The following OSBPL3 variants were observed in gnomAD, a reference collection of about 807,000 sequenced individuals.
OSBPL3 encodes the protein oxysterol binding protein like 3, also known as oxysterol-binding protein-related protein 3.
In OSBPL3, 65 loss-of-function variants were observed where a neutral mutation model predicts 120.1. The observed-to-expected ratio is 0.54, with a 90% CI of 0.44 to 0.67. OSBPL3 has a LOEUF of 0.67. OSBPL3 is among the 30% of genes least tolerant of loss of function. The pLI is 0.00. For missense variants in OSBPL3, 1,004 were observed against 1,082.1 expected, an observed-to-expected ratio of 0.93 and a Z score of 1.01; for synonymous variants, 416 against 402.6, an observed-to-expected ratio of 1.03 and a Z score of -0.40.
At position 24,820,284 on chromosome 7, in the gene OSBPL3, G is replaced by C; in HGVS notation, c.1885-46C>G. 7.1e-7 allele frequency: 1 copy of C among 1,413,852 alleles called. No homozygotes were observed. Among genetic ancestry groups the C allele is most frequent in the African/African-American group, 1.4e-5 (1 of 70,290 alleles). The allele number at this position is 1,413,852 out of a possible 1,614,324, so 87.6% of individuals were successfully genotyped here. The stretch of plus-strand genomic sequence containing the variant: ...AAAAACAAAAAATGAATGAACTTTT[G>C]TGTCTCATGAAATCCATTCTTTCTC... On this transcript the variant is annotated intron_variant, in intron 16 of 22. Transcript: ENST00000313367. This position sits in a 1 kb window ranked among gnomAD's most constrained non-coding sequence, Gnocchi z 4.6.
rs570310665 is a variant in OSBPL3, at chr7:24,809,930, C to A, written c.2194G>T (p.Ala732Ser). ...FIKAKYWSTNAHEIEGTVFDR... is the reference protein window; with the variant it reads ...FIKAKYWSTNSHEIEGTVFDR... ...AACACTGTGCCTTCAATCTCATGGG[C>A]ATTAGTGCTCCAGTATTTTGCCTAG... is the stretch of plus-strand genomic sequence containing the variant. The change falls in exon 20 of 23, where the codon GCC becomes TCC. Residue 732 changes from alanine (A) to serine (S), a missense_variant. Physicochemically the swap from Ala to Ser is moderately conservative, Grantham distance 99. This residue lies in a region of OSBPL3 where 473 missense variants were observed against 568.0 expected (regional missense o/e 0.83). Transcript: ENST00000313367. 6.2e-7 allele frequency: 1 copy of A among 1,614,164 alleles called. No individual in the cohort carries two copies. Among genetic ancestry groups the A allele is most frequent in the East Asian group, 2.2e-5 (1 of 44,890 alleles).
rs2128375148 is a variant in OSBPL3, at chr7:24,900,448, TCA to T, written c.-149-7829_-149-7828del. ...TTCGTATATATCGTTTCACTTGAAG[TCA>T]CAGTTTCCAAGAACTTATCAATGAA... On this transcript the variant is annotated intron_variant, in intron 1 of 22. Coordinates refer to ENST00000313367, the MANE Select transcript of OSBPL3 (RefSeq NM_015550.4). This position sits in a 1 kb window ranked among gnomAD's most constrained non-coding sequence, Gnocchi z 4.5. Among the ~76,000 whole-genome samples the T allele has an allele frequency of 6.6e-6, 1 of 152,334 alleles. No homozygotes were observed. Among genetic ancestry groups the T allele is most frequent in the African/African-American group, 2.4e-5 (1 of 41,572 alleles).
chr7:24,855,722 C>T lies in OSBPL3; in HGVS notation c.1028-3088G>A, dbSNP rs1799760591. ...GACACAGGATCCCAAAAGTCAGGAA[C>T]ACTCTCTGTGATAGGAGTGCTTTCT... On this transcript the variant is annotated intron_variant, in intron 10 of 22. Coordinates refer to ENST00000313367, the MANE Select transcript of OSBPL3 (RefSeq NM_015550.4). The surrounding 1 kb of genome is among the most constrained non-coding windows in gnomAD (Gnocchi z 4.3). 6.6e-6 allele frequency among the ~76,000 whole-genome samples: 1 copy of T among 152,214 alleles called. No homozygotes were observed. The highest frequency in any genetic ancestry group is 2.1e-4 in the South Asian group (1 of 4,832).
chr7:24,846,437 T>A (rs1798456275), intron 12 of OSBPL3, among the ~76,000 whole-genome samples: 1 of 152,216 alleles, frequency 6.6e-6, no homozygotes, highest in Non-Finnish European at 1.5e-5. Context: ...AGGTAATGTA[T>A]TCAAATGCAT....
chr7:24,965,926 T>G lies in OSBPL3; in HGVS notation c.-150+13960A>C, dbSNP rs75222859. On this transcript the variant is annotated intron_variant, in intron 1 of 22. Coordinates refer to ENST00000313367, the MANE Select transcript of OSBPL3 (RefSeq NM_015550.4). The surrounding 1 kb of genome is among the most constrained non-coding windows in gnomAD (Gnocchi z 4.3). ...TTTAGAACCACTTCCCTCAAGGGTG[T>G]GTCCCATTCATGTGGCCCCACCCCT... Among the ~76,000 whole-genome samples the G allele has an allele frequency of 6.6e-6, 1 of 152,198 alleles. No individual in the cohort carries two copies. Among genetic ancestry groups the G allele is most frequent in the African/African-American group, 2.4e-5 (1 of 41,446 alleles).
chr7:24,958,081 C>A (rs1293560972), intron 1 of OSBPL3, among the ~76,000 whole-genome samples: 2 of 152,108 alleles, frequency 1.3e-5, no homozygotes, highest in Non-Finnish European at 2.9e-5. Flanking sequence ...TTGTAAGGTA[C>A]ACTTCTAAAA....
In OSBPL3 at chr7:24,863,537, G is replaced by A. The variant is rs1250979249; in HGVS notation, c.736C>T (p.Leu246=). ...GCTGGTGCCGAGTATGTCCGATGCA[G>A]GACGTCCATGCTTTGCAGGAGCTGG... is the stretch of plus-strand genomic sequence containing the variant. The part of the protein sequence containing the change: ...MSQLLQSMDV[L]HRTYSAPAIN... The change falls in exon 8 of 23, where the codon CTG becomes TTG. Residue 246 remains leucine, a synonymous_variant. Coordinates refer to ENST00000313367, the MANE Select transcript of OSBPL3 (RefSeq NM_015550.4). This position sits in a 1 kb window ranked among gnomAD's most constrained non-coding sequence, Gnocchi z 5.8. 1 of 1,614,010 alleles carries A rather than the reference G, an allele frequency of 6.2e-7. No individual in the cohort carries two copies.
chr7:24,815,109 T>A lies in OSBPL3; in HGVS notation c.2122A>T (p.Ile708Phe). 1 of 1,613,940 alleles carries A rather than the reference T, an allele frequency of 6.2e-7. No homozygotes were observed. The highest frequency in any genetic ancestry group is 1.3e-5 in the African/African-American group (1 of 75,060). ...CAGGAATCATCATGCAGGTTCTTGA[T>A]GACAATCTCTCCATAGTGCTCAATC... ...RWIEHYGEIV[I>F]KNLHDDSCYC... Residue 708 changes from isoleucine to phenylalanine, a missense_variant, in exon 19 of 23, where the codon ATC becomes TTC. By Grantham distance (21) the Ile-to-Phe change is conservative. Around this residue, in one of 4 missense-constraint regions of OSBPL3, gnomAD observed 473 missense variants for 568.0 expected, o/e 0.83. Coordinates refer to ENST00000313367, the MANE Select transcript of OSBPL3 (RefSeq NM_015550.4). This position sits in a 1 kb window ranked among gnomAD's most constrained non-coding sequence, Gnocchi z 5.1.
At chr7:24,870,666 A>G (rs1801977471) in intron 5 of OSBPL3, 66 bp downstream of exon 5, 3 of 982,204 alleles carry the variant, frequency 3.1e-6, no homozygotes, top group African/African-American at 1.6e-5. Flanking sequence ...GGCATTACCA[A>G]TAGTATAATA....
At position 24,851,121 on chromosome 7, in the gene OSBPL3, A is replaced by G. The variant is rs1462035428; in HGVS notation, c.1158+1383T>C. Among the ~76,000 whole-genome samples the G allele has an allele frequency of 6.6e-6, 1 of 152,188 alleles. No individual in the cohort carries two copies. The highest frequency in any genetic ancestry group is 1.5e-5 in the Non-Finnish European group (1 of 68,028). ...AGATCATGGGGAGAGGGACCTTGGA[A>G]GCCCATCAGAGATACCTTTTGTAAA... is the stretch of plus-strand genomic sequence containing the variant. On this transcript the variant is annotated intron_variant, in intron 11 of 22. Coordinates refer to ENST00000313367, the MANE Select transcript of OSBPL3 (RefSeq NM_015550.4). This position sits in a 1 kb window ranked among gnomAD's most constrained non-coding sequence, Gnocchi z 4.1.
In OSBPL3 at chr7:24,852,615, T is replaced by C; in HGVS notation, c.1047A>G (p.Ser349=). 2 of 1,599,372 alleles carry C rather than the reference T, an allele frequency of 1.3e-6. No homozygotes were observed. Among genetic ancestry groups the C allele is most frequent in the East Asian group, 2.2e-5 (1 of 44,454 alleles). Residue 349 remains serine (S), a synonymous_variant, in exon 11 of 23, where the codon TCA becomes TCG. Coordinates refer to ENST00000313367, the MANE Select transcript of OSBPL3 (RefSeq NM_015550.4). This position sits in a 1 kb window ranked among gnomAD's most constrained non-coding sequence, Gnocchi z 4.1. The part of the protein sequence containing the change: ...IAHKVYFTLR[S]AFNIMSAERE... ...TCTCCGCTGACATGATATTAAAAGC[T>C]GACCTTAAAGTGAAGTAAACTATAG... is the stretch of plus-strand genomic sequence containing the variant.
chr7:24,976,539 A>G (rs1485232164), intron 1 of OSBPL3, among the ~76,000 whole-genome samples: 1 of 79,954 alleles, frequency 1.3e-5, no homozygotes, highest in East Asian at 4.8e-4. Context: ...GTAATTGGAA[A>G]GTCAAAAAAA....
At chr7:24,969,923 A>C (rs1405115286) in intron 1 of OSBPL3, among the ~76,000 whole-genome samples, 1 of 151,982 alleles carries the variant, frequency 6.6e-6, no homozygotes, top group African/African-American at 2.4e-5. Flanking sequence ...TTACTATGGG[A>C]TTTAGGACTT....
rs186883934 is a variant in OSBPL3 at position 24,937,666 on chromosome 7, T to A, written c.-150+42220A>T. Among the ~76,000 whole-genome samples the A allele has an allele frequency of 6.6e-6, 1 of 152,258 alleles. No homozygotes were observed. Among genetic ancestry groups the A allele is most frequent in the African/African-American group, 2.4e-5 (1 of 41,554 alleles). On this transcript the variant is annotated intron_variant, in intron 1 of 22. Coordinates refer to ENST00000313367, the MANE Select transcript of OSBPL3 (RefSeq NM_015550.4). The surrounding 1 kb of genome is among the most constrained non-coding windows in gnomAD (Gnocchi z 4.0). ...CATATCTGGAAATAGAACTGGAGGT[T>A]TATGGTGCTATCAGGCATAAAACAT... is the stretch of plus-strand genomic sequence containing the variant.
Position 24,871,529 on chromosome 7 carries a change from G to A in OSBPL3, c.267+213C>T, listed in dbSNP as rs896000163. Among the ~76,000 whole-genome samples, 1 of 152,142 alleles carries A rather than the reference G, an allele frequency of 6.6e-6. No homozygotes were observed. On this transcript the variant is annotated intron_variant, in intron 4 of 22. Coordinates refer to ENST00000313367, the MANE Select transcript of OSBPL3 (RefSeq NM_015550.4). This position sits in a 1 kb window ranked among gnomAD's most constrained non-coding sequence, Gnocchi z 4.8. Reference sequence around the variant, plus strand: ...AACCTTAAGACCAGAACAGACTTTTGCATGCCCAGAGAGTGTTGCGGGAGC... The same window carrying A: ...AACCTTAAGACCAGAACAGACTTTTACATGCCCAGAGAGTGTTGCGGGAGC...
intron 1 of OSBPL3, among the ~76,000 whole-genome samples, chr7:24,928,621 A>C (rs1584650253): frequency 6.6e-6 from 1 of 152,276 alleles, no homozygotes; most frequent in East Asian, 1.9e-4. Flanking sequence ...CCATCGCTTC[A>C]ATCAACACCT....
intron 19 of OSBPL3, among the ~76,000 whole-genome samples, chr7:24,812,304 C>CAA (rs57963279): frequency 1.8e-4 from 17 of 97,034 alleles, no homozygotes; most frequent in African/African-American, 4.5e-4. Context: ...GACTCCATCT[C>CAA]AAAAAAAAAA....
At position 24,815,134 on chromosome 7, in the gene OSBPL3, C is replaced by T; in HGVS notation, c.2097G>A (p.Trp699Ter). The T allele has an allele frequency of 6.2e-7, 1 of 1,612,594 alleles. No individual in the cohort carries two copies. The highest frequency in any genetic ancestry group is 1.1e-5 in the South Asian group (1 of 91,028). The change falls in exon 19 of 23, where the codon TGG becomes TGA. Residue 699 changes from tryptophan (W) to a stop codon, truncating the protein, a stop_gained. Transcript: ENST00000313367. LOFTEE classifies it high-confidence loss of function. The surrounding 1 kb of genome is among the most constrained non-coding windows in gnomAD (Gnocchi z 5.1). ...TGACAATCTCTCCATAGTGCTCAATCCACCTCTGCCCGCTTAAGATGTTAT... is the reference window on the plus strand; with the variant it reads ...TGACAATCTCTCCATAGTGCTCAATTCACCTCTGCCCGCTTAAGATGTTAT... ...CIHNILSGQR[W>*]IEHYGEIVIK...
intron 2 of OSBPL3, among the ~76,000 whole-genome samples, chr7:24,880,177 A>G (rs1331237960): frequency 6.6e-6 from 1 of 152,222 alleles, no homozygotes; most frequent in Non-Finnish European, 1.5e-5. Flanking sequence ...TGGTGATTCT[A>G]TAATGAAAGC....
Sources: allele counts gnomAD v4.1 joint callset (sites outside exome capture counted in the v4.1 genomes callset), GRCh38; gene constraint gnomAD v4.1.1; regional missense constraint gnomAD v4.1.1; non-coding constraint Gnocchi (gnomAD v3.1); transcripts MANE v1.5; gene names NCBI Gene and HGNC (gene_info 2026-07-23, HGNC 2026-07-21).